Variants in ITIH2 observed in about 807,000 individuals in gnomAD.
ITIH2 encodes the protein inter-alpha-trypsin inhibitor heavy chain 2, also known as inter-alpha-trypsin inhibitor heavy chain H2.
In ITIH2, 103 loss-of-function variants were observed where a neutral mutation model predicts 104.4. That is an observed-to-expected ratio of 0.99 (90% CI 0.84 to 1.16). ITIH2 has a LOEUF of 1.16. Ranked by LOEUF, ITIH2 falls within the 50% of genes most tolerant of loss-of-function variation. The pLI is 0.00. For missense variants in ITIH2, 1,108 were observed against 1,162.4 expected (o/e 0.95, Z 0.68); for synonymous variants, 436 against 435.4 (o/e 1.00, Z -0.02).
rs777804600 is a variant in ITIH2 at position 7,713,227 on chromosome 10, G to A, written c.409G>A (p.Val137Met). The change falls in exon 5 of 21, where the codon GTG becomes ATG. Residue 137 changes from valine to methionine, a missense_variant. Physicochemically the swap from Val to Met is conservative, Grantham distance 21 (BLOSUM62 1). Transcript: ENST00000358415. The stretch of plus-strand genomic sequence containing the variant: ...TAGGAGCTCTATTAAGGAGAAAACT[G>A]TGGGCCGAGCTCTTTATGCACAGGC... ...TFRSSIKEKT[V>M]GRALYAQARA... 1 of 1,614,190 alleles carries A rather than the reference G, an allele frequency of 6.2e-7. No homozygotes were observed. Among genetic ancestry groups the A allele is most frequent in the African/African-American group, 1.3e-5 (1 of 75,058 alleles).
chr10:7,729,767 A>G, intron 11 of ITIH2, 185 bp from the exon 12 acceptor site: 1 of 490,954 alleles, frequency 2.0e-6, no homozygotes, highest in Non-Finnish European at 3.6e-6. Context: ...ATGCAACACA[A>G]CCCACACTTC....
intron 5 of ITIH2, among the ~76,000 whole-genome samples, chr10:7,715,861 C>T (rs1834844211): frequency 6.6e-6 from 1 of 152,130 alleles, no homozygotes; most frequent in South Asian, 2.1e-4. Context: ...CTGCCTCAGC[C>T]TCCCAAGCAG....
At chr10:7,707,345 G>A (rs1268369284) in intron 3 of ITIH2, 112 bp downstream of exon 3, 29 of 776,090 alleles carry the variant, frequency 3.7e-5, no homozygotes, top group Admixed American at 3.1e-4. Context: ...CCTGACTTTC[G>A]AAATACTGCC....
At chr10:7,704,375 A>G (rs1026936821) in intron 1 of ITIH2, among the ~76,000 whole-genome samples, 10 of 152,240 alleles carry the variant, frequency 6.6e-5, no homozygotes, top group African/African-American at 1.9e-4. Flanking sequence ...AGAAATCTCA[A>G]ATTGAAGCCA....
chr10:7,724,726 T>C (rs1834937163), intron 9 of ITIH2, among the ~76,000 whole-genome samples: 1 of 151,968 alleles, frequency 6.6e-6, no homozygotes, highest in Non-Finnish European at 1.5e-5. Flanking sequence ...TCATTCCTTG[T>C]TGTAGGAGGG....
intron 1 of ITIH2, 62 bp downstream of exon 1, chr10:7,703,580 T>G: frequency 9.8e-7 from 1 of 1,020,134 alleles, no homozygotes; most frequent in Non-Finnish European, 1.6e-6. Context: ...AATCATCTAT[T>G]GGAATCGCTA....
In ITIH2 at chr10:7,707,198, C is replaced by T; in HGVS notation, c.160-3C>T. The T allele has an allele frequency of 6.2e-7, 1 of 1,600,700 alleles. No homozygotes were observed. The highest frequency in any genetic ancestry group is 8.6e-7 in the Non-Finnish European group (1 of 1,169,542). On this transcript the variant is annotated splice_region_variant and splice_polypyrimidine_tract_variant and intron_variant, in intron 2 of 20. Coordinates refer to ENST00000358415, the MANE Select transcript of ITIH2 (RefSeq NM_002216.3). ...AGAATGATTGTCTAACTTCCTTTCA[C>T]AGAGAAGCCTTCCAGGAGAATCGGA...
intron 14 of ITIH2, among the ~76,000 whole-genome samples, chr10:7,732,967 T>C (rs1835018249): frequency 6.6e-6 from 1 of 152,154 alleles, no homozygotes; most frequent in African/African-American, 2.4e-5. Context: ...GACCTCGTGA[T>C]CCACCCGAGT....
At chr10:7,745,341 G>A (rs1835166317) in intron 19 of ITIH2, among the ~76,000 whole-genome samples, 1 of 152,164 alleles carries the variant, frequency 6.6e-6, no homozygotes, top group Admixed American at 6.5e-5. Flanking sequence ...TAAAGCCTGT[G>A]ACATCACAAA....
intron 14 of ITIH2, 122 bp downstream of exon 14, chr10:7,732,599 G>A (rs1405425056): frequency 1.0e-6 from 1 of 992,798 alleles, no homozygotes; most frequent in East Asian, 2.6e-5. Flanking sequence ...GCACAGGCTT[G>A]GATTATTACC....
rs780011466 is a variant in ITIH2, at chr10:7,735,025, G to A, written c.1891G>A (p.Glu631Lys). ...GACTCCGCTGACCTCGCTGGTGATC[G>A]AGAACGAGGCTGGGGATGAGCGCAT... ...IVTPLTSLVIENEAGDERMLA... is the reference protein window; with the variant it reads ...IVTPLTSLVIKNEAGDERMLA... The change falls in exon 15 of 21, where the codon GAG (glutamate) becomes AAG (lysine). Residue 631 changes from glutamate (E) to lysine (K), a missense_variant. Coordinates refer to ENST00000358415, the MANE Select transcript of ITIH2 (RefSeq NM_002216.3). The A allele has an allele frequency of 6.2e-6, 10 of 1,613,476 alleles. No individual in the cohort carries two copies. The highest frequency in any genetic ancestry group is 4.0e-5 in the African/African-American group (3 of 74,948).
chr10:7,705,226 A>G, intron 2 of ITIH2, 44 bp downstream of exon 2: 1 of 1,283,856 alleles, frequency 7.8e-7, no homozygotes. Context: ...AAAGTGAAAG[A>G]GATTATGGCA....
chr10:7,711,432 C>T (rs184938761), intron 4 of ITIH2, among the ~76,000 whole-genome samples: 75 of 152,280 alleles, frequency 4.9e-4, no homozygotes, highest in Admixed American at 2.0e-4. Flanking sequence ...GAGAAGATAC[C>T]TGCTTAATTA....
At chr10:7,703,647 A>G in intron 1 of ITIH2, 129 bp downstream of exon 1, 1 of 645,986 alleles carries the variant, frequency 1.5e-6, no homozygotes, top group Non-Finnish European at 2.8e-6. Flanking sequence ...ATCTGAGTGC[A>G]AGTGTTTACT....
At chr10:7,717,934 G>C (rs767577895) in intron 6 of ITIH2, 146 bp downstream of exon 6, 10 of 763,070 alleles carry the variant, frequency 1.3e-5, no homozygotes, top group Non-Finnish European at 1.9e-5. Flanking sequence ...AAAGATGGTG[G>C]GTTTGGAGTC....
chr10:7,716,042 T>C (rs1834846532), intron 5 of ITIH2, among the ~76,000 whole-genome samples: 1 of 151,564 alleles, frequency 6.6e-6, no homozygotes, highest in Non-Finnish European at 1.5e-5. Flanking sequence ...TTTGTATTTT[T>C]AGGAGAGACA....
chr10:7,746,617 T>C lies in ITIH2; in HGVS notation c.2606T>C (p.Ile869Thr). 1.2e-6 allele frequency: 2 copies of C among 1,613,366 alleles called. No individual in the cohort carries two copies. The highest frequency in any genetic ancestry group is 1.7e-6 in the Non-Finnish European group (2 of 1,179,434). The change falls in exon 20 of 21, where the codon ATA becomes ACA. Residue 869 changes from isoleucine (I) to threonine (T), a missense_variant. Physicochemically the swap from Ile to Thr is moderately conservative, Grantham distance 89. Transcript: ENST00000358415. Reference sequence around the variant, plus strand: ...GGCCAGTTCATGCAGGAACCAAAGATACACATCTTCAATGAGAGACCAGGA... The same window carrying C: ...GGCCAGTTCATGCAGGAACCAAAGACACACATCTTCAATGAGAGACCAGGA... ...LIGQFMQEPK[I>T]HIFNERPGKD...
chr10:7,748,835 C>A (rs1835206878), intron 20 of ITIH2, among the ~76,000 whole-genome samples: 1 of 151,924 alleles, frequency 6.6e-6, no homozygotes, highest in African/African-American at 2.4e-5. Flanking sequence ...CGTGAGCCAC[C>A]ATGCCTGGCT....
At chr10:7,706,884 C>T (rs1834752143) in intron 2 of ITIH2, among the ~76,000 whole-genome samples, 1 of 152,072 alleles carries the variant, frequency 6.6e-6, no homozygotes, top group East Asian at 1.9e-4. Context: ...AAAAATAGAG[C>T]AAATAGCATC....
Sources: allele counts gnomAD v4.1 joint callset (sites outside exome capture counted in the v4.1 genomes callset), GRCh38; gene constraint gnomAD v4.1.1; transcripts MANE v1.5; gene names NCBI Gene and HGNC (gene_info 2026-07-23, HGNC 2026-07-21).